Variants in TSPAN13 observed in about 807,000 individuals in gnomAD.
TSPAN13 encodes the protein tetraspanin-13.
TSPAN13 carries 18 observed loss-of-function variants against 26.9 expected under a neutral mutation model. The ratio of observed to expected loss-of-function variants is 0.67; its 90% CI spans 0.46 to 0.99. TSPAN13 has a LOEUF of 0.99. TSPAN13 is among the 50% of genes least tolerant of loss of function. The pLI is 0.00. For missense variants in TSPAN13, 201 were observed against 249.6 expected (o/e 0.81, Z 1.31); for synonymous variants, 116 against 98.4 (o/e 1.18, Z -1.06).
At chr7:16,766,542 C>T (rs1224147050) in intron 1 of TSPAN13, among the ~76,000 whole-genome samples, 1 of 152,312 alleles carries the variant, frequency 6.6e-6, no homozygotes, top group East Asian at 1.9e-4. Context: ...GGAGAATCAG[C>T]AACTTACTGC....
chr7:16,781,991 CT>C (rs1197970945), intron 5 of TSPAN13, among the ~76,000 whole-genome samples: 1 of 152,170 alleles, frequency 6.6e-6, no homozygotes, highest in African/African-American at 2.4e-5. Context: ...GGCTCTACCA[CT>C]GAGGACCTGT....
chr7:16,783,495 G>C lies in TSPAN13; in HGVS notation c.*4G>C. 6.2e-7 allele frequency: 1 copy of C among 1,611,706 alleles called. No homozygotes were observed. The highest frequency in any genetic ancestry group is 8.5e-7 in the Non-Finnish European group (1 of 1,178,030). On this transcript the variant is annotated 3_prime_UTR_variant, in exon 6 of 6. Transcript: ENST00000262067. ...GAATCCTAGTGCATTCCTTTGATGA[G>C]AAAACAAGGAAGATTTCCTTTCGTA...
At chr7:16,781,244 A>G (rs1784810641) in intron 5 of TSPAN13, among the ~76,000 whole-genome samples, 1 of 152,198 alleles carries the variant, frequency 6.6e-6, no homozygotes, top group Admixed American at 6.5e-5. Flanking sequence ...AGAAACAATC[A>G]TTTATATTGT....
At chr7:16,777,992 A>G in intron 4 of TSPAN13, 81 bp downstream of exon 4, 1 of 963,948 alleles carries the variant, frequency 1.0e-6, no homozygotes, top group East Asian at 2.6e-5. Flanking sequence ...GGACTTTCTG[A>G]TGCTGAATTG....
intron 1 of TSPAN13, among the ~76,000 whole-genome samples, chr7:16,774,918 C>A (rs1168341292): frequency 6.6e-6 from 1 of 152,112 alleles, no homozygotes; most frequent in Non-Finnish European, 1.5e-5. Flanking sequence ...TGTATCTCTA[C>A]ATATGTAAGG....
intron 1 of TSPAN13, among the ~76,000 whole-genome samples, chr7:16,764,934 G>GTTTTTGT (rs1554274189): frequency 2.2e-4 from 32 of 148,554 alleles, no homozygotes; most frequent in Non-Finnish European, 3.4e-4. Flanking sequence ...TTTTGTTTTT[G>GTTTTTGT]TTTTTTTTTT....
chr7:16,766,516 T>A (rs1784604382), intron 1 of TSPAN13, among the ~76,000 whole-genome samples: 1 of 152,242 alleles, frequency 6.6e-6, no homozygotes, highest in African/African-American at 2.4e-5. Flanking sequence ...AGCATTGCCT[T>A]TTGTTACAAA....
intron 1 of TSPAN13, among the ~76,000 whole-genome samples, chr7:16,774,174 T>C (rs1185263065): frequency 1.3e-5 from 2 of 152,230 alleles, no homozygotes; most frequent in African/African-American, 4.8e-5. Context: ...TGGCCAGCTC[T>C]ACAAATTTCT....
intron 1 of TSPAN13, among the ~76,000 whole-genome samples, chr7:16,755,260 G>A (rs1335059656): frequency 6.6e-6 from 1 of 152,186 alleles, no homozygotes; most frequent in Non-Finnish European, 1.5e-5. Flanking sequence ...GGAGAAGGAG[G>A]TTGGGTCATT....
intron 1 of TSPAN13, among the ~76,000 whole-genome samples, chr7:16,771,776 G>A (rs1045358136): frequency 2.0e-5 from 3 of 152,160 alleles, no homozygotes; most frequent in Non-Finnish European, 2.9e-5. Context: ...CAAAAGCAGC[G>A]ATAGGAAACC....
intron 5 of TSPAN13, among the ~76,000 whole-genome samples, chr7:16,782,364 G>C (rs1355919125): frequency 6.6e-6 from 1 of 152,130 alleles, no homozygotes; most frequent in East Asian, 1.9e-4. Context: ...TCTAGAAGTA[G>C]TTTAAAAGGG....
chr7:16,757,362 T>C (rs1039210172), intron 1 of TSPAN13, among the ~76,000 whole-genome samples: 3 of 152,190 alleles, frequency 2.0e-5, no homozygotes, highest in African/African-American at 4.8e-5. Flanking sequence ...AAAAAAACTT[T>C]TGAAAATTAT....
intron 5 of TSPAN13, among the ~76,000 whole-genome samples, chr7:16,782,797 T>C (rs1420467988): frequency 6.6e-6 from 1 of 152,234 alleles, no homozygotes; most frequent in Non-Finnish European, 1.5e-5. Context: ...ACTTTGACTT[T>C]GTATTAGTTT....
At chr7:16,780,004 C>A (rs1333666333) in intron 5 of TSPAN13, among the ~76,000 whole-genome samples, 1 of 152,074 alleles carries the variant, frequency 6.6e-6, no homozygotes, top group Non-Finnish European at 1.5e-5. Flanking sequence ...ATCTCCTGAC[C>A]TCGTGATCTG....
chr7:16,771,688 A>G (rs985485283), intron 1 of TSPAN13, among the ~76,000 whole-genome samples: 2 of 152,238 alleles, frequency 1.3e-5, no homozygotes, highest in Non-Finnish European at 2.9e-5. Context: ...TCAGGAGTAC[A>G]ACCTGACCAA....
chr7:16,758,120 C>G (rs545796821), intron 1 of TSPAN13, among the ~76,000 whole-genome samples: 24 of 152,240 alleles, frequency 1.6e-4, no homozygotes, highest in African/African-American at 5.3e-4. Flanking sequence ...CAAGCATGAG[C>G]ACTTTATCTA....
At chr7:16,773,957 CTG>C (rs1278115035) in intron 1 of TSPAN13, among the ~76,000 whole-genome samples, 1 of 152,190 alleles carries the variant, frequency 6.6e-6, no homozygotes, top group Non-Finnish European at 1.5e-5. Flanking sequence ...CTTGGCTAGG[CTG>C]TGGTGCCCAG....
In TSPAN13 at chr7:16,778,420, C is replaced by T. The variant is rs140003136; in HGVS notation, c.426+509C>T. Among the ~76,000 whole-genome samples the T allele has an allele frequency of 7.2e-3, 1,103 of 152,362 alleles. 13 individuals are homozygous for T. The highest frequency in any genetic ancestry group is 0.025 in the African/African-American group (1,044 of 41,586). On this transcript the variant is annotated intron_variant, in intron 4 of 5. Coordinates refer to ENST00000262067, the MANE Select transcript of TSPAN13 (RefSeq NM_014399.4). ...GGCTTTAAATACCCATTTATTATCT[C>T]ACAGTTTCCCTGGGTCAGGCTTGGC...
At chr7:16,761,690 A>AT (rs35451307) in intron 1 of TSPAN13, among the ~76,000 whole-genome samples, 14,790 of 93,264 alleles carry the variant, frequency 0.16, 1,392 homozygotes, top group African/African-American at 0.25. Context: ...CAGCTAATTA[A>AT]TTTTTTTTTT....
Sources: allele counts gnomAD v4.1 joint callset (sites outside exome capture counted in the v4.1 genomes callset), GRCh38; gene constraint gnomAD v4.1.1; transcripts MANE v1.5; gene names NCBI Gene and HGNC (gene_info 2026-07-23, HGNC 2026-07-21).